The following KDM2A variants were observed in gnomAD, a reference collection of about 807,000 sequenced individuals.
KDM2A encodes the protein lysine demethylase 2A, also known as lysine-specific demethylase 2A.
A neutral mutation model predicts 137.3 loss-of-function variants in KDM2A; 3 were observed. The observed-to-expected ratio is 0.02, with a 90% CI of 0.01 to 0.06. KDM2A has a LOEUF of 0.06. Among genes scored for constraint, KDM2A ranks in the 10% least tolerant of loss-of-function variants. The probability of loss-of-function intolerance (pLI) is 1.00; values close to 1 mark genes in which losing one functional copy is unlikely to be tolerated. For synonymous variants in KDM2A, 512 were observed against 541.5 expected (o/e 0.95, Z 0.76); for missense variants, 738 against 1,510.6 (o/e 0.49, Z 8.48).
In KDM2A at chr11:67,250,216, C is replaced by T; in HGVS notation, c.2186C>T (p.Pro729Leu). The T allele has an allele frequency of 6.2e-7, 1 of 1,613,898 alleles. No individual in the cohort carries two copies. Residue 729 changes from proline to leucine, a missense_variant, in exon 17 of 21, where the codon CCG (proline) becomes CTG (leucine). Pro to Leu is a moderately conservative substitution (Grantham distance 98). Transcript: ENST00000529006. This position sits in a 1 kb window ranked among gnomAD's most constrained non-coding sequence, Gnocchi z 7.1. Reference protein sequence around the residue: ...PTSMLQLIHDPVSPRGMVTRS... With the variant: ...PTSMLQLIHDLVSPRGMVTRS... Reference sequence around the variant, plus strand: ...TCCATGCTGCAGCTCATCCATGACCCGGTTTCCCCCCGGGGTATGGTGACT... The same window carrying T: ...TCCATGCTGCAGCTCATCCATGACCTGGTTTCCCCCCGGGGTATGGTGACT...
At chr11:67,177,440 T>G (rs191443260) in intron 2 of KDM2A, among the ~76,000 whole-genome samples, 2 of 152,342 alleles carry the variant, frequency 1.3e-5, no homozygotes, top group Non-Finnish European at 2.9e-5. Context: ...CTATAAGCTT[T>G]TGTCTACTAA....
intron 15 of KDM2A, among the ~76,000 whole-genome samples, chr11:67,247,037 T>TTA (rs59101290): frequency 0.016 from 514 of 33,056 alleles, 3 homozygotes; most frequent in East Asian, 0.024. Flanking sequence ...ATAAATTATT[T>TTA]TATATATATA....
intron 2 of KDM2A, among the ~76,000 whole-genome samples, chr11:67,141,383 T>C (rs745964890): frequency 4.6e-5 from 7 of 151,910 alleles, no homozygotes; most frequent in African/African-American, 7.2e-5. Flanking sequence ...TTCATTGTTA[T>C]TGGCCGGGCG....
At chr11:67,151,341 A>G (rs927356350) in intron 2 of KDM2A, among the ~76,000 whole-genome samples, 2 of 151,878 alleles carry the variant, frequency 1.3e-5, no homozygotes, top group Non-Finnish European at 2.9e-5. Flanking sequence ...TATACACACC[A>G]CATATTTTAT....
intron 5 of KDM2A, among the ~76,000 whole-genome samples, chr11:67,188,790 C>CA (rs1207477143): frequency 0.04 from 2,950 of 73,388 alleles, 80 homozygotes; most frequent in African/African-American, 0.079. Flanking sequence ...GACACTGTCT[C>CA]AAAAAAAAAA....
intron 12 of KDM2A, among the ~76,000 whole-genome samples, chr11:67,234,990 C>G (rs1361386405): frequency 2.0e-5 from 3 of 151,406 alleles, no homozygotes; most frequent in Admixed American, 6.6e-5. Context: ...AGAAAAAATA[C>G]AAAAATTAGC....
chr11:67,244,590 A>G (rs528616012), intron 13 of KDM2A, among the ~76,000 whole-genome samples: 15 of 152,326 alleles, frequency 9.8e-5, no homozygotes, highest in Non-Finnish European at 7.3e-5. Context: ...GGCTAGGACA[A>G]GGGCTGGTAA....
chr11:67,133,297 T>C (rs1474837303), intron 2 of KDM2A, among the ~76,000 whole-genome samples: 1 of 152,016 alleles, frequency 6.6e-6, no homozygotes, highest in Non-Finnish European at 1.5e-5. Context: ...AGATGGTGTT[T>C]TACCATGTTG....
intron 2 of KDM2A, 137 bp downstream of exon 2, chr11:67,121,495 G>A (rs1381447143): frequency 2.2e-5 from 16 of 722,238 alleles, no homozygotes; most frequent in Non-Finnish European, 3.7e-5. Context: ...AGGGGGAAAG[G>A]TGTATTAATA....
chr11:67,252,675 C>A lies in KDM2A; in HGVS notation c.2769-19C>A. 3.7e-6 allele frequency: 6 copies of A among 1,613,796 alleles called. No homozygotes were observed. Among genetic ancestry groups the A allele is most frequent in the Non-Finnish European group, 5.1e-6 (6 of 1,179,814 alleles). On this transcript the variant is annotated intron_variant, in intron 17 of 20. Coordinates refer to ENST00000529006, the MANE Select transcript of KDM2A (RefSeq NM_012308.3). ...CTGATCAAGTTAATGAAGGCGAGTT[C>A]TCTTCCCTTCTATCACAGGTGCTGC... is the stretch of plus-strand genomic sequence containing the variant.
chr11:67,163,468 A>T (rs578091788), intron 2 of KDM2A, among the ~76,000 whole-genome samples: 5 of 152,330 alleles, frequency 3.3e-5, no homozygotes, highest in African/African-American at 1.2e-4. Context: ...GCCATTGGAG[A>T]AGAGGCAAGT....
At chr11:67,229,406 T>G (rs1265228987) in intron 11 of KDM2A, among the ~76,000 whole-genome samples, 3 of 152,176 alleles carry the variant, frequency 2.0e-5, no homozygotes, top group Non-Finnish European at 4.4e-5. Flanking sequence ...GACAGTGTAG[T>G]TTCAGTATAC....
Position 67,245,149 on chromosome 11 carries a change from G to A in KDM2A, c.1564-40G>A. ...ATCTTCTACCCTATCCAGTCTTAAA[G>A]CAACCTGATATATTTGACCTCACTG... is the stretch of plus-strand genomic sequence containing the variant. On this transcript the variant is annotated intron_variant, in intron 13 of 20. Coordinates refer to ENST00000529006, the MANE Select transcript of KDM2A (RefSeq NM_012308.3). The surrounding 1 kb of genome is among the most constrained non-coding windows in gnomAD (Gnocchi z 4.1). 1 of 1,601,688 alleles carries A rather than the reference G, an allele frequency of 6.2e-7. No individual in the cohort carries two copies. The highest frequency in any genetic ancestry group is 1.1e-5 in the South Asian group (1 of 90,222).
At position 67,143,392 on chromosome 11, in the gene KDM2A, A is replaced by C. The variant is rs183618399; in HGVS notation, c.42+22034A>C. On this transcript the variant is annotated intron_variant, in intron 2 of 20. Transcript: ENST00000529006. Reference sequence around the variant, plus strand: ...CATCGGTATGAAATAGTGTTGGTTCAGTTTCTGAAAATTTCTTGGGAAGAA... The same window carrying C: ...CATCGGTATGAAATAGTGTTGGTTCCGTTTCTGAAAATTTCTTGGGAAGAA... 16 of 152,172 alleles carry C rather than the reference A, an allele frequency of 1.1e-4. No individual in the cohort carries two copies. The East Asian group carries it at 2.9e-3, about 28-fold the overall frequency. The allele number at this position is 152,172 out of a possible 1,614,324, so 9.4% of individuals were successfully genotyped here.
intron 2 of KDM2A, among the ~76,000 whole-genome samples, chr11:67,178,091 C>T (rs1857009245): frequency 6.6e-6 from 1 of 152,146 alleles, no homozygotes; most frequent in South Asian, 2.1e-4. Flanking sequence ...AATTCTCATA[C>T]CATACAGTCT....
chr11:67,196,053 C>T lies in KDM2A; in HGVS notation c.308-11457C>T, dbSNP rs1176007846. 4.0e-5 allele frequency: 16 copies of T among 396,706 alleles called. No individual in the cohort carries two copies. In the Admixed American group the frequency reaches 4.2e-4, roughly 10 times the overall value. The allele number at this position is 396,706 out of a possible 1,614,324, so 24.6% of individuals were successfully genotyped here. On this transcript the variant is annotated intron_variant, in intron 5 of 20. Transcript: ENST00000529006. ...TCACTTAGATGTAATCTTTTTATTG[C>T]GTACCCACCCCATCCCAGTTAAGCT...
Position 67,242,999 on chromosome 11 carries a change from C to A in KDM2A, c.1480-10C>A. On this transcript the variant is annotated splice_polypyrimidine_tract_variant and intron_variant, in intron 12 of 20. Coordinates refer to ENST00000529006, the MANE Select transcript of KDM2A (RefSeq NM_012308.3). ...CCCTGATTTTTCCTTCTTTTCCCTC[C>A]TACCCTTAGATTTTGCTGGAGGAGC... 6.2e-7 allele frequency: 1 copy of A among 1,612,524 alleles called. No homozygotes were observed. Among genetic ancestry groups the A allele is most frequent in the Non-Finnish European group, 8.5e-7 (1 of 1,178,664 alleles).
rs1488629282 is a variant in KDM2A at position 67,245,482 on chromosome 11, AT to A, written c.1833+28del. 1.2e-6 allele frequency: 2 copies of A among 1,609,598 alleles called. No individual in the cohort carries two copies. Among genetic ancestry groups the A allele is most frequent in the Non-Finnish European group, 1.7e-6 (2 of 1,177,266 alleles). On this transcript the variant is annotated intron_variant, in intron 14 of 20. Coordinates refer to ENST00000529006, the MANE Select transcript of KDM2A (RefSeq NM_012308.3). This position sits in a 1 kb window ranked among gnomAD's most constrained non-coding sequence, Gnocchi z 4.1. ...CAGTGAGTGATCTGCTGGGTAAAGAATTTTGGGGAGGGGTGGCAGTGCCAAA... is the reference window on the plus strand; with the variant it reads ...CAGTGAGTGATCTGCTGGGTAAAGAATTTGGGGAGGGGTGGCAGTGCCAAA...
At chr11:67,181,277 TA>T (rs1236347834) in intron 3 of KDM2A, 42 bp from the exon 4 acceptor site, 5 of 1,337,972 alleles carry the variant, frequency 3.7e-6, no homozygotes, top group Non-Finnish European at 5.3e-6. Context: ...TTATCGTTTT[TA>T]ATTATACCAC....
Sources: gnomAD v4.1 joint callset for allele counts (sites outside exome capture counted in the v4.1 genomes callset) on GRCh38, gnomAD v4.1.1 for gene constraint, Gnocchi (gnomAD v3.1) non-coding constraint, MANE v1.5 for transcripts, NCBI Gene and HGNC (gene_info 2026-07-23, HGNC 2026-07-21) for gene names.